Variants in PCDHGA4 observed in about 807,000 individuals in gnomAD.
PCDHGA4 encodes protocadherin gamma subfamily A, 4, also known as protocadherin gamma-A4.
Under a neutral mutation model 54.6 loss-of-function variants are expected in PCDHGA4, and 38 were observed. That is an observed-to-expected ratio of 0.70 (90% CI 0.54 to 0.91). The LOEUF is 0.91. Ranked by LOEUF, PCDHGA4 falls within the 40% of genes least tolerant of loss-of-function variation. The pLI, the probability that PCDHGA4 is intolerant of heterozygous loss-of-function variation, is 0.00. For synonymous variants in PCDHGA4, 511 were observed against 512.9 expected (o/e 1.00, Z 0.05); for missense variants, 1,298 against 1,220.9 (o/e 1.06, Z -0.94).
Position 141,364,472 on chromosome 5 carries a change from A to C in PCDHGA4, c.2514+6851A>C, listed in dbSNP as rs375080558. On this transcript the variant is annotated intron_variant, in intron 1 of 3. Transcript: ENST00000571252. ...GGACAAAGGCTCCTTCGTCGGCAAC[A>C]TAGCCAAGGACCTTGGGCTGGAGCC... The C allele has an allele frequency of 6.8e-6, 11 of 1,614,038 alleles. 1 individual carries two copies. Among genetic ancestry groups the C allele is most frequent in the Middle Eastern group, 1.7e-4 (1 of 6,056 alleles).
intron 1 of PCDHGA4, chr5:141,389,907 G>T (rs779604388): frequency 6.2e-7 from 1 of 1,614,082 alleles, no homozygotes; most frequent in Non-Finnish European, 8.5e-7. Context: ...GGATATCACT[G>T]ACCGCCCCGA....
chr5:141,409,480 C>G, intron 1 of PCDHGA4: 1 of 1,614,002 alleles, frequency 6.2e-7, no homozygotes, highest in Non-Finnish European at 8.5e-7. Context: ...TAGCCACTGA[C>G]AGGGGCAAGC....
In PCDHGA4 at chr5:141,423,130, G is replaced by A. The variant is rs770258338; in HGVS notation, c.2514+65509G>A. On this transcript the variant is annotated intron_variant, in intron 1 of 3. Coordinates refer to ENST00000571252, the MANE Select transcript of PCDHGA4 (RefSeq NM_018917.4). The stretch of plus-strand genomic sequence containing the variant: ...GGTGCGTACAGCGCGGGCACTGCTG[G>A]ACAGAGACGCGCTCAAGCAGAGCCT... The A allele has an allele frequency of 9.3e-6, 15 of 1,613,582 alleles. No individual in the cohort carries two copies. Among genetic ancestry groups the A allele is most frequent in the Middle Eastern group, 1.6e-4 (1 of 6,072 alleles).
intron 1 of PCDHGA4, chr5:141,427,019 CAA>C (rs1369360584): frequency 8.8e-6 from 4 of 456,798 alleles, no homozygotes; most frequent in Admixed American, 2.3e-5. Flanking sequence ...AGGATGTATA[CAA>C]AGTCAGCCTT....
At chr5:141,510,358 C>T (rs186470331) in intron 3 of PCDHGA4, among the ~76,000 whole-genome samples, 187 of 144,062 alleles carry the variant, frequency 1.3e-3, no homozygotes, top group African/African-American at 4.6e-3. Context: ...ACTAACGGAA[C>T]TACCGAATCT....
In PCDHGA4 at chr5:141,511,286, G is replaced by A. The variant is rs1231704933; in HGVS notation, c.*113G>A. On this transcript the variant is annotated 3_prime_UTR_variant, in exon 4 of 4. Coordinates refer to ENST00000571252, the MANE Select transcript of PCDHGA4 (RefSeq NM_018917.4). The stretch of plus-strand genomic sequence containing the variant: ...GGCTAACCCCCAGAATACTGGTAGG[G>A]GCCAAGGCCATGCTCCCCTTGGGAA... 2 of 1,520,242 alleles carry A rather than the reference G, an allele frequency of 1.3e-6. No individual in the cohort carries two copies. The allele number at this position is 1,520,242 out of a possible 1,614,324, so 94.2% of individuals were successfully genotyped here.
intron 1 of PCDHGA4, chr5:141,400,592 G>A: frequency 3.7e-6 from 6 of 1,603,194 alleles, no homozygotes; most frequent in Non-Finnish European, 5.1e-6. Flanking sequence ...TGAAACTATC[G>A]TACATTTTCA....
At chr5:141,420,327 A>G in intron 1 of PCDHGA4, 1 of 1,425,478 alleles carries the variant, frequency 7.0e-7, no homozygotes, top group South Asian at 1.5e-5. Context: ...ATGCCAATAT[A>G]TTCCAATATA....
intron 1 of PCDHGA4, chr5:141,419,502 T>C: frequency 6.2e-7 from 1 of 1,612,388 alleles, no homozygotes; most frequent in Admixed American, 1.7e-5. Context: ...AATGTGAGCC[T>C]GCGCGTGTTG....
chr5:141,408,937 C>T (rs2095198483), intron 1 of PCDHGA4: 5 of 1,613,344 alleles, frequency 3.1e-6, no homozygotes, highest in African/African-American at 1.3e-5. Flanking sequence ...TCAGCAGAGA[C>T]GAATATAGAA....
At chr5:141,461,441 T>A (rs959248029) in intron 1 of PCDHGA4, among the ~76,000 whole-genome samples, 7 of 152,194 alleles carry the variant, frequency 4.6e-5, no homozygotes, top group Admixed American at 4.6e-4. Flanking sequence ...TACCTTCTTT[T>A]GAGAAATGGC....
chr5:141,432,452 C>G lies in PCDHGA4; in HGVS notation c.2515-62355C>G. The G allele has an allele frequency of 6.2e-7, 1 of 1,614,212 alleles. No individual in the cohort carries two copies. The highest frequency in any genetic ancestry group is 8.5e-7 in the Non-Finnish European group (1 of 1,180,042). On this transcript the variant is annotated intron_variant, in intron 1 of 3. Coordinates refer to ENST00000571252, the MANE Select transcript of PCDHGA4 (RefSeq NM_018917.4). The surrounding 1 kb of genome is among the most constrained non-coding windows in gnomAD (Gnocchi z 6.0). ...CGACAATGCGCCCGAGATCCTGTACCCCGCCCTCCCCACGGACGGTTCCAC... is the reference window on the plus strand; with the variant it reads ...CGACAATGCGCCCGAGATCCTGTACGCCGCCCTCCCCACGGACGGTTCCAC...
In PCDHGA4 at chr5:141,356,455, A is replaced by G; in HGVS notation, c.1348A>G (p.Asn450Asp). 2 of 1,613,402 alleles carry G rather than the reference A, an allele frequency of 1.2e-6. No homozygotes were observed. Among genetic ancestry groups the G allele is most frequent in the Non-Finnish European group, 1.7e-6 (2 of 1,179,560 alleles). ...TLDREEVSEY[N>D]ITVTATDQGT... Reference sequence around the variant, plus strand: ...GGACAGGGAAGAAGTCTCAGAATATAACATCACTGTAACTGCCACTGACCA... The same window carrying G: ...GGACAGGGAAGAAGTCTCAGAATATGACATCACTGTAACTGCCACTGACCA... The change falls in exon 1 of 4, where the codon AAC (asparagine) becomes GAC (aspartate). Residue 450 changes from asparagine to aspartate, a missense_variant. Physicochemically the swap from Asn to Asp is conservative, Grantham distance 23. Transcript: ENST00000571252.
chr5:141,406,647 A>G (rs2094834813), intron 1 of PCDHGA4, among the ~76,000 whole-genome samples: 1 of 152,182 alleles, frequency 6.6e-6, no homozygotes, highest in Non-Finnish European at 1.5e-5. Context: ...TAATTTCCTA[A>G]TGCTTTAATG....
chr5:141,490,454 CG>C lies in PCDHGA4; in HGVS notation c.2515-4352del. ...ATTAAGCCTTCTGAGAACCACTACT[CG>C]CTGCTAACCAGCCAGCCTTTGGACC... On this transcript the variant is annotated intron_variant, in intron 1 of 3. Coordinates refer to ENST00000571252, the MANE Select transcript of PCDHGA4 (RefSeq NM_018917.4). This position sits in a 1 kb window ranked among gnomAD's most constrained non-coding sequence, Gnocchi z 5.4. The C allele has an allele frequency of 1.2e-6, 2 of 1,614,176 alleles. No individual in the cohort carries two copies. Among genetic ancestry groups the C allele is most frequent in the Non-Finnish European group, 1.7e-6 (2 of 1,180,020 alleles).
At chr5:141,427,694 A>G in intron 1 of PCDHGA4, 2 of 913,934 alleles carry the variant, frequency 2.2e-6, no homozygotes, top group South Asian at 1.4e-5. Flanking sequence ...CCTCCATCCC[A>G]CAAGTCAGCG....
chr5:141,449,078 C>T (rs1342751417), intron 1 of PCDHGA4, among the ~76,000 whole-genome samples: 1 of 152,052 alleles, frequency 6.6e-6, no homozygotes, highest in Non-Finnish European at 1.5e-5. Flanking sequence ...AGCCCTGTAC[C>T]TACATCAGTT....
intron 1 of PCDHGA4, chr5:141,376,316 G>C: frequency 6.2e-7 from 1 of 1,614,224 alleles, no homozygotes; most frequent in South Asian, 1.1e-5. Flanking sequence ...GGGCGTGGAA[G>C]GGGTTCGGGC....
intron 1 of PCDHGA4, chr5:141,398,772 G>A: frequency 6.2e-7 from 1 of 1,613,910 alleles, no homozygotes; most frequent in South Asian, 1.1e-5. Flanking sequence ...TGACTGCCTT[G>A]GACGGTGGAC....
Sources: gnomAD v4.1 joint callset for allele counts (sites outside exome capture counted in the v4.1 genomes callset) on GRCh38, gnomAD v4.1.1 for gene constraint, Gnocchi (gnomAD v3.1) non-coding constraint, MANE v1.5 for transcripts, NCBI Gene and HGNC (gene_info 2026-07-23, HGNC 2026-07-21) for gene names.